Variants in KRABD3 observed in about 807,000 individuals in gnomAD.
The protein encoded by KRABD3 is KRAB domain containing 3.
the KRABD3 span, chr7:149,722,165 T>C: frequency 1.9e-6 from 1 of 522,842 alleles, no homozygotes; most frequent in Non-Finnish European, 3.5e-6. Context: ...GGCCTACATG[T>C]CAAGGCTGCC....
the KRABD3 span, chr7:149,725,890 C>T: frequency 2.8e-4 from 439 of 1,578,940 alleles, 5 homozygotes; most frequent in South Asian, 3.8e-3. Flanking sequence ...CCTACAGAAG[C>T]GACCAGAGAG....
chr7:149,715,825 G>C, the KRABD3 span, among the ~76,000 whole-genome samples: 1 of 152,308 alleles, frequency 6.6e-6, no homozygotes, highest in Non-Finnish European at 1.5e-5. Flanking sequence ...ATGTTGTTGG[G>C]CAGGGACAGT....
chr7:149,730,665 C>CTCT, the KRABD3 span: 2 of 1,444,436 alleles, frequency 1.4e-6, no homozygotes, highest in Non-Finnish European at 1.9e-6. Flanking sequence ...CTTTGCCTGG[C>CTCT]TCTTGCCAGG....
chr7:149,732,716 C>T, the KRABD3 span, among the ~76,000 whole-genome samples: 4 of 152,142 alleles, frequency 2.6e-5, no homozygotes, highest in African/African-American at 7.2e-5. The surrounding 1 kb of genome is among the most constrained non-coding windows in gnomAD (Gnocchi z 4.0). Context: ...TTGCCTGTAA[C>T]GAAGAGCACT....
the KRABD3 span, chr7:149,725,850 A>G: frequency 2.0e-6 from 3 of 1,487,256 alleles, no homozygotes; most frequent in Admixed American, 4.8e-5. Context: ...TTCTCCAGTG[A>G]GCCTCCTGGT....
the KRABD3 span, chr7:149,721,804 G>A: frequency 3.3e-5 from 21 of 631,498 alleles, no homozygotes; most frequent in African/African-American, 2.0e-4. Context: ...GAAAGTCTCC[G>A]GCAGTTTCTA....
chr7:149,722,744 G>C, the KRABD3 span: 4 of 1,571,264 alleles, frequency 2.5e-6, no homozygotes, highest in Non-Finnish European at 3.4e-6. Flanking sequence ...TGTCCCGTCA[G>C]GACTGCACTG....
At chr7:149,729,732 C>T in the KRABD3 span, 9 of 985,350 alleles carry the variant, frequency 9.1e-6, no homozygotes, top group East Asian at 4.5e-4. Flanking sequence ...TGAATAAATG[C>T]GGTTTTGCTG....
the KRABD3 span, chr7:149,734,340 T>G: frequency 2.3e-6 from 1 of 441,898 alleles, no homozygotes; most frequent in South Asian, 2.9e-5. Context: ...AGGTGGGTGG[T>G]GTGCATAGGC....
the KRABD3 span, chr7:149,722,835 A>T: frequency 3.7e-6 from 6 of 1,612,604 alleles, no homozygotes; most frequent in African/African-American, 8.0e-5. Context: ...GTCTGAAGGA[A>T]ATCCTTGTGC....
At chr7:149,721,802 C>G in the KRABD3 span, 1 of 633,956 alleles carries the variant, frequency 1.6e-6, no homozygotes, top group South Asian at 1.5e-5. Context: ...CAGAAAGTCT[C>G]CGGCAGTTTC....
chr7:149,719,499 C>T, the KRABD3 span: 1 of 1,520,828 alleles, frequency 6.6e-7, no homozygotes, highest in Admixed American at 2.4e-5. The surrounding 1 kb of genome is among the most constrained non-coding windows in gnomAD (Gnocchi z 5.6). Context: ...GCTAGGCTGT[C>T]CCCTCTGGGA....
chr7:149,727,471 C>T, the KRABD3 span, among the ~76,000 whole-genome samples: 3 of 152,248 alleles, frequency 2.0e-5, no homozygotes, highest in Non-Finnish European at 1.5e-5. Flanking sequence ...AAGCCTTCGG[C>T]ACTCCAGCCC....
At chr7:149,729,600 T>C in the KRABD3 span, 5 of 985,416 alleles carry the variant, frequency 5.1e-6, no homozygotes, top group South Asian at 4.7e-5. Context: ...TGTCCATCCA[T>C]TGGGTTTCTC....
chr7:149,728,915 G>A, the KRABD3 span, among the ~76,000 whole-genome samples: 1 of 152,224 alleles, frequency 6.6e-6, no homozygotes, highest in African/African-American at 2.4e-5. Flanking sequence ...GCTCCTTGTG[G>A]CTGGGTGTCC....
At chr7:149,733,619 C>G in the KRABD3 span, 1 of 1,593,548 alleles carries the variant, frequency 6.3e-7, no homozygotes, top group South Asian at 1.1e-5. Flanking sequence ...AAAGATCCTG[C>G]GTGGCCAGGG....
At chr7:149,722,877 CT>C in the KRABD3 span, 1 of 1,613,702 alleles carries the variant, frequency 6.2e-7, no homozygotes, top group Non-Finnish European at 8.5e-7. Flanking sequence ...CATCCCCAAG[CT>C]TCTTGCCACC....
the KRABD3 span, chr7:149,721,251 G>A: frequency 8.3e-7 from 1 of 1,198,126 alleles, no homozygotes; most frequent in South Asian, 1.6e-5. Context: ...AGAGCCCAGT[G>A]ATGACAACAC....
the KRABD3 span, chr7:149,730,565 G>A: frequency 6.2e-7 from 1 of 1,611,512 alleles, no homozygotes. Context: ...CGGCCTCGGT[G>A]CAGGTGAGCC....
Sources: allele counts gnomAD v4.1 joint callset (sites outside exome capture counted in the v4.1 genomes callset), GRCh38; gene constraint gnomAD v4.1.1; non-coding constraint Gnocchi (gnomAD v3.1); transcripts MANE v1.5; gene names NCBI Gene and HGNC (gene_info 2026-07-23, HGNC 2026-07-21).